NRXN1: variants seen among roughly 807,000 people sequenced by gnomAD.
NRXN1 encodes neurexin 1.
In NRXN1, 39 loss-of-function variants were observed where a neutral mutation model predicts 150.9. That is an observed-to-expected ratio of 0.26 (90% confidence interval 0.20 to 0.34). The LOEUF (loss-of-function observed/expected upper bound fraction) is 0.34. Among genes scored for constraint, NRXN1 ranks in the 10% least tolerant of loss-of-function variants. The probability of loss-of-function intolerance (pLI) is 1.00; values close to 1 mark genes in which losing one functional copy is unlikely to be tolerated. For missense variants in NRXN1, 1,815 were observed against 1,949.9 expected (o/e 0.93, Z 1.30); for synonymous variants, 924 against 757.0 (o/e 1.22, Z -3.62).
chr2:50,560,043 T>C (rs910755590), intron 8 of NRXN1, among the ~76,000 whole-genome samples: 2 of 152,180 alleles, frequency 1.3e-5, no homozygotes, highest in Non-Finnish European at 2.9e-5. Flanking sequence ...CCTGCCACCA[T>C]GAGGAGACAA....
intron 18 of NRXN1, among the ~76,000 whole-genome samples, chr2:50,197,231 C>A (rs926395371): frequency 2.6e-5 from 4 of 152,024 alleles, no homozygotes; most frequent in African/African-American, 9.7e-5. Flanking sequence ...GTTCAAGTAC[C>A]ATTCTCTCTT....
Position 49,921,064 on chromosome 2 carries a change from T to TTA in NRXN1, c.*878_*879dup, listed in dbSNP as rs886056164. On this transcript the variant is annotated 3_prime_UTR_variant, in exon 23 of 23. Transcript: ENST00000401669. Reference sequence around the variant, plus strand: ...TCTGATGTCATAAAACTCCCTATACTTAGCAACACTTATAACATTGAATTT... The same window carrying TTA: ...TCTGATGTCATAAAACTCCCTATACTTATAGCAACACTTATAACATTGAATTT... 27 of 152,668 alleles carry TTA rather than the reference T, an allele frequency of 1.8e-4. No individual in the cohort carries two copies. In the East Asian group the frequency reaches 4.8e-3, roughly 27 times the overall value. 9.5% of individuals were successfully genotyped at this position (152,668 alleles called of 1,614,324 possible).
intron 15 of NRXN1, among the ~76,000 whole-genome samples, chr2:50,474,523 T>C (rs1159755462): frequency 6.6e-6 from 1 of 151,480 alleles, no homozygotes; most frequent in Non-Finnish European, 1.5e-5. Context: ...CCTCTGTGCA[T>C]TTCCTCAGGA....
At chr2:50,812,771 C>T (rs1324212524) in intron 5 of NRXN1, among the ~76,000 whole-genome samples, 1 of 143,538 alleles carries the variant, frequency 7.0e-6, no homozygotes, top group Non-Finnish European at 1.5e-5. Flanking sequence ...TGAAATTTAG[C>T]TATAAACTTT....
intron 17 of NRXN1, among the ~76,000 whole-genome samples, chr2:50,456,258 C>T (rs989378): frequency 0.23 from 35,264 of 151,894 alleles, 5,892 homozygotes; most frequent in East Asian, 0.52. Context: ...AAGAAATGCC[C>T]TTGTACCTTC....
chr2:50,995,974 GT>G (rs1475047087), intron 2 of NRXN1, among the ~76,000 whole-genome samples: 8 of 152,006 alleles, frequency 5.3e-5, no homozygotes, highest in African/African-American at 1.9e-4. Flanking sequence ...ATTTACATAG[GT>G]TATCATTTTC....
At position 50,531,364 on chromosome 2, in the gene NRXN1, G is replaced by A. The variant is rs199970666; in HGVS notation, c.2210C>T (p.Thr737Met). 1.2e-5 allele frequency: 20 copies of A among 1,612,900 alleles called. No homozygotes were observed. The highest frequency in any genetic ancestry group is 9.4e-5 in the African/African-American group (7 of 74,866). Residue 737 changes from threonine to methionine, a missense_variant, in exon 11 of 23, where the codon ACG becomes ATG. Thr to Met is a moderately conservative substitution (Grantham distance 81). Transcript: ENST00000401669. ...MKIQLPVVMHTEAEDVSLRFR... is the reference protein window; with the variant it reads ...MKIQLPVVMHMEAEDVSLRFR... ...CCGTAAGGAAACATCCTCAGCCTCC[G>A]TATGCATGACTACGGGGAGCTGAAT...
chr2:50,397,807 G>C (rs1330127438), intron 17 of NRXN1, among the ~76,000 whole-genome samples: 1 of 152,036 alleles, frequency 6.6e-6, no homozygotes, highest in African/African-American at 2.4e-5. Flanking sequence ...ACTGGTGTTA[G>C]TTATTGACTC....
At chr2:49,946,242 T>C (rs1672871258) in intron 21 of NRXN1, among the ~76,000 whole-genome samples, 2 of 152,208 alleles carry the variant, frequency 1.3e-5, no homozygotes, top group Admixed American at 6.5e-5. Context: ...GTTTTGTTTT[T>C]TTCTTGTAAA....
At chr2:50,497,276 T>C in intron 14 of NRXN1, 57 bp downstream of exon 14, 1 of 1,375,554 alleles carries the variant, frequency 7.3e-7, no homozygotes, top group South Asian at 1.8e-5. Context: ...TTTTTGGAAA[T>C]TGACGTCCAT....
intron 17 of NRXN1, among the ~76,000 whole-genome samples, chr2:50,401,151 A>ATATTAAACAAAGCTTGGT (rs2082364194): frequency 6.6e-6 from 1 of 152,180 alleles, no homozygotes; most frequent in Non-Finnish European, 1.5e-5. Flanking sequence ...ATTAGATACC[A>ATATTAAACAAAGCTTGGT]AGCGCTTTGT....
At chr2:50,362,223 C>T (rs1035603124) in intron 17 of NRXN1, among the ~76,000 whole-genome samples, 3 of 152,172 alleles carry the variant, frequency 2.0e-5, no homozygotes, top group South Asian at 2.1e-4. Context: ...CACTCCTATT[C>T]AACATATTAT....
chr2:50,190,841 G>A (rs960478343), intron 18 of NRXN1, among the ~76,000 whole-genome samples: 4 of 151,790 alleles, frequency 2.6e-5, no homozygotes, highest in Non-Finnish European at 5.9e-5. Flanking sequence ...TCAAACTCCC[G>A]ACTGCAGGTG....
At chr2:50,365,914 AG>A (rs1572695912) in intron 17 of NRXN1, among the ~76,000 whole-genome samples, 1 of 152,110 alleles carries the variant, frequency 6.6e-6, no homozygotes, top group East Asian at 1.9e-4. Context: ...AAATAGAATA[AG>A]GAACTATGCA....
intron 14 of NRXN1, 150 bp downstream of exon 14, chr2:50,497,183 G>T (rs2091683254): frequency 6.2e-6 from 3 of 486,094 alleles, no homozygotes; most frequent in Non-Finnish European, 1.0e-5. Flanking sequence ...CCTAAGAGAT[G>T]ATTTAAACAA....
intron 17 of NRXN1, among the ~76,000 whole-genome samples, chr2:50,354,478 C>T (rs2078641428): frequency 6.7e-6 from 1 of 148,162 alleles, no homozygotes; most frequent in Admixed American, 6.8e-5. Flanking sequence ...AAATTTAAAG[C>T]ATTTAAAATA....
At chr2:50,478,530 G>C (rs1273958711) in intron 15 of NRXN1, among the ~76,000 whole-genome samples, 3 of 152,148 alleles carry the variant, frequency 2.0e-5, no homozygotes, top group Admixed American at 6.5e-5. Flanking sequence ...CTCCGCTGAA[G>C]AGATGTTAAG....
Position 50,552,647 on chromosome 2 carries a change from A to G in NRXN1, c.1699T>C (p.Leu567=), listed in dbSNP as rs1187039823. ...CATTCTCCATCATTCACTTTCTTCA[A>G]CAGGGCTTTTATTTTTATAGTACCT... The part of the protein sequence containing the change: ...GSGTIKIKAL[L]KKVNDGEWYH... Residue 567 remains leucine, a synonymous_variant, in exon 9 of 23, where the codon TTG becomes CTG. Transcript: ENST00000401669. The G allele has an allele frequency of 6.2e-7, 1 of 1,613,920 alleles. No individual in the cohort carries two copies. Among genetic ancestry groups the G allele is most frequent in the Non-Finnish European group, 8.5e-7 (1 of 1,179,812 alleles).
At position 51,007,175 on chromosome 2, in the gene NRXN1, A is replaced by AT. The variant is rs543260966; in HGVS notation, c.772+20326dup. Among the ~76,000 whole-genome samples, 5 of 152,110 alleles carry AT rather than the reference A, an allele frequency of 3.3e-5. No homozygotes were observed. In the South Asian group the frequency reaches 1.0e-3, roughly 32 times the overall value. On this transcript the variant is annotated intron_variant, in intron 2 of 22. Transcript: ENST00000401669. ...ATTTCAAAATTCTATTTTGTAACAA[A>AT]TTACTTTGTTTCCATATGCAATTGG...
Sources: gnomAD v4.1 joint callset for allele counts (sites outside exome capture counted in the v4.1 genomes callset) on GRCh38, gnomAD v4.1.1 for gene constraint, MANE v1.5 for transcripts, NCBI Gene and HGNC (gene_info 2026-07-23, HGNC 2026-07-21) for gene names.